The following TSPAN11 variants were observed in gnomAD, a reference collection of about 807,000 sequenced individuals.
TSPAN11 encodes the protein tetraspanin 11.
In TSPAN11, 29 loss-of-function variants were observed where a neutral mutation model predicts 32.9. That is an observed-to-expected ratio of 0.88 (90% confidence interval 0.66 to 1.20). The LOEUF is 1.20. Ranked by LOEUF, TSPAN11 falls within the 50% of genes most tolerant of loss-of-function variation. The pLI, the probability that TSPAN11 is intolerant of heterozygous loss-of-function variation, is 0.00. For synonymous variants in TSPAN11, 140 were observed against 141.3 expected (o/e 0.99, Z 0.07); for missense variants, 283 against 329.1 (o/e 0.86, Z 1.08).
chr12:30,936,572 T>A (rs1938049338), intron 1 of TSPAN11, among the ~76,000 whole-genome samples: 1 of 152,088 alleles, frequency 6.6e-6, no homozygotes, highest in Non-Finnish European at 1.5e-5. Flanking sequence ...CGCAAGATGT[T>A]CATTGAGGAG....
At chr12:30,987,023 A>T (rs1939213482) in intron 7 of TSPAN11, among the ~76,000 whole-genome samples, 1 of 152,384 alleles carries the variant, frequency 6.6e-6, no homozygotes, top group East Asian at 1.9e-4. Flanking sequence ...CATTGAAAAA[A>T]GAGCTCGTTG....
chr12:31,014,112 G>A, the TSPAN11 span, among the ~76,000 whole-genome samples: 1 of 152,080 alleles, frequency 6.6e-6, no homozygotes, highest in Non-Finnish European at 1.5e-5. Flanking sequence ...CACACTCAGT[G>A]TCCTGTGATT....
the TSPAN11 span, among the ~76,000 whole-genome samples, chr12:31,014,704 G>T: frequency 2.6e-5 from 4 of 152,274 alleles, no homozygotes; most frequent in East Asian, 7.7e-4. Context: ...CAGAACAAGG[G>T]AGTCTGACAG....
chr12:30,951,706 G>T (rs1565792182), intron 1 of TSPAN11, among the ~76,000 whole-genome samples: 1 of 152,172 alleles, frequency 6.6e-6, no homozygotes, highest in Admixed American at 6.5e-5. Context: ...CTTGCCCAAG[G>T]TCACACAGCC....
At chr12:30,977,817 A>G (rs1420220726) in intron 3 of TSPAN11, among the ~76,000 whole-genome samples, 2 of 152,214 alleles carry the variant, frequency 1.3e-5, no homozygotes, top group Non-Finnish European at 2.9e-5. Context: ...AGCAGCAGCA[A>G]CAGGGCTGTG....
rs1416264044 is a variant in TSPAN11 at position 30,993,209 on chromosome 12, G to C, written c.*1294G>C. 1 of 152,172 alleles carries C rather than the reference G, an allele frequency of 6.6e-6. No homozygotes were observed. Among genetic ancestry groups the C allele is most frequent in the Non-Finnish European group, 1.5e-5 (1 of 68,066 alleles). 9.4% of individuals were successfully genotyped at this position (152,172 alleles called of 1,614,324 possible). A position where few individuals can be genotyped will look rare whatever the true frequency, so the allele number is the denominator to read the frequency against. On this transcript the variant is annotated 3_prime_UTR_variant, in exon 8 of 8. Transcript: ENST00000546076. ...TCCCCAGCTCCTGCACTTCTCCCCA[G>C]AGCGGGACCCTCTTACTTCCCCCCA...
chr12:30,934,266 C>T (rs2140269896), intron 1 of TSPAN11, among the ~76,000 whole-genome samples: 1 of 152,382 alleles, frequency 6.6e-6, no homozygotes, highest in East Asian at 1.9e-4. Flanking sequence ...AGAGAGGACT[C>T]CTGCTCTGCA....
chr12:31,011,370 A>T, the TSPAN11 span, among the ~76,000 whole-genome samples: 1 of 152,224 alleles, frequency 6.6e-6, no homozygotes, highest in African/African-American at 2.4e-5. Flanking sequence ...CAAAGTCAAG[A>T]TCAGGGGTGC....
intron 1 of TSPAN11, among the ~76,000 whole-genome samples, chr12:30,929,533 C>A (rs867061092): frequency 1.4e-4 from 21 of 152,116 alleles, no homozygotes; most frequent in African/African-American, 5.1e-4. Flanking sequence ...AAGCTGTGCG[C>A]AGATATTTGA....
chr12:31,001,867 C>T, the TSPAN11 span, among the ~76,000 whole-genome samples: 1 of 152,148 alleles, frequency 6.6e-6, no homozygotes, highest in Admixed American at 6.5e-5. Context: ...GCCTGTCTTC[C>T]ACGGCTCCGC....
chr12:30,961,029 GAAA>G (rs113586330), intron 2 of TSPAN11, among the ~76,000 whole-genome samples: 1 of 138,500 alleles, frequency 7.2e-6, no homozygotes, highest in Non-Finnish European at 1.5e-5. Context: ...ACAGAGCGAG[GAAA>G]AAAAAAAAAA....
chr12:30,951,917 G>A (rs1938390044), intron 1 of TSPAN11, among the ~76,000 whole-genome samples: 1 of 152,192 alleles, frequency 6.6e-6, no homozygotes, highest in Non-Finnish European at 1.5e-5. Context: ...TCTTAAATAT[G>A]TAAAATTCCT....
At chr12:31,005,773 CCA>C in the TSPAN11 span, 1 of 174,510 alleles carries the variant, frequency 5.7e-6, no homozygotes, top group Non-Finnish European at 1.3e-5. Flanking sequence ...TCCGGCCAGC[CCA>C]CACACACGTC....
At chr12:31,003,770 G>A in the TSPAN11 span, among the ~76,000 whole-genome samples, 1 of 151,530 alleles carries the variant, frequency 6.6e-6, no homozygotes, top group Non-Finnish European at 1.5e-5. Context: ...CAGAGGACTA[G>A]GGAAGGGCGG....
intron 7 of TSPAN11, 116 bp from the exon 8 acceptor site, chr12:30,991,739 GC>G: frequency 9.5e-7 from 1 of 1,057,162 alleles, no homozygotes; most frequent in South Asian, 1.3e-5. Context: ...GCAGGAATCT[GC>G]CCTTTGCCCA....
At chr12:30,986,827 C>T (rs1248161087) in intron 7 of TSPAN11, 1 of 152,214 alleles carries the variant, frequency 6.6e-6, no homozygotes, top group Admixed American at 6.5e-5. Context: ...TCAGGGCAGG[C>T]TGGATGGCCA....
chr12:30,931,695 C>G (rs548601332), intron 1 of TSPAN11, among the ~76,000 whole-genome samples: 1 of 152,010 alleles, frequency 6.6e-6, no homozygotes, highest in East Asian at 1.9e-4. Context: ...GCCTGGCCAA[C>G]ATGGTGAAAC....
chr12:30,981,367 T>C (rs4931403), intron 5 of TSPAN11, among the ~76,000 whole-genome samples: 99,909 of 152,162 alleles, frequency 0.66, 33,274 homozygotes, highest in South Asian at 0.75. Context: ...TCACCACTGA[T>C]GGCGCCGGGC....
At chr12:30,961,810 T>A (rs976185430) in intron 2 of TSPAN11, among the ~76,000 whole-genome samples, 4 of 152,124 alleles carry the variant, frequency 2.6e-5, no homozygotes, top group Non-Finnish European at 4.4e-5. Flanking sequence ...TTATGCAAAG[T>A]TGGGACCCTC....
Sources: allele counts gnomAD v4.1 joint callset (sites outside exome capture counted in the v4.1 genomes callset), GRCh38; gene constraint gnomAD v4.1.1; transcripts MANE v1.5; gene names NCBI Gene and HGNC (gene_info 2026-07-23, HGNC 2026-07-21).